The following CCSER1 variants were observed in gnomAD, a reference collection of about 807,000 sequenced individuals.
The protein encoded by CCSER1 is coiled-coil serine rich protein 1, also known as serine-rich coiled-coil domain-containing protein 1.
CCSER1 carries 41 observed loss-of-function variants against 82.0 expected under a neutral mutation model. The ratio of observed to expected loss-of-function variants is 0.50; its 90% confidence interval spans 0.39 to 0.65. CCSER1 has a LOEUF of 0.65. Ranked by LOEUF, CCSER1 falls within the 30% of genes least tolerant of loss-of-function variation. The pLI is 0.00. For missense variants in CCSER1, 1,119 were observed against 1,064.2 expected (o/e 1.05, Z -0.72); for synonymous variants, 414 against 383.9 (o/e 1.08, Z -0.92).
At chr4:90,684,805 C>T (rs765892050) in intron 6 of CCSER1, among the ~76,000 whole-genome samples, 64 of 151,706 alleles carry the variant, frequency 4.2e-4, no homozygotes, top group Admixed American at 3.7e-3. Context: ...TTCACAAGAT[C>T]GATGGTTATT....
chr4:90,856,601 G>A (rs1764489603), intron 8 of CCSER1, among the ~76,000 whole-genome samples: 1 of 152,034 alleles, frequency 6.6e-6, no homozygotes, highest in African/African-American at 2.4e-5. Context: ...CGACGTAAAA[G>A]AAGTATGGCA....
At chr4:90,168,078 T>C (rs1024432323) in intron 1 of CCSER1, among the ~76,000 whole-genome samples, 2 of 152,204 alleles carry the variant, frequency 1.3e-5, no homozygotes, top group Non-Finnish European at 2.9e-5. Flanking sequence ...TGAACTAGTT[T>C]ACAGTTCCAC....
intron 9 of CCSER1, among the ~76,000 whole-genome samples, chr4:91,050,205 C>T (rs112707369): frequency 5.3e-5 from 8 of 152,112 alleles, no homozygotes; most frequent in African/African-American, 1.4e-4. Context: ...CTGAGGTGGG[C>T]GGATCACCTG....
intron 4 of CCSER1, among the ~76,000 whole-genome samples, chr4:90,461,214 C>G (rs1004713305): frequency 7.2e-6 from 1 of 138,710 alleles, no homozygotes; most frequent in Non-Finnish European, 1.5e-5. Flanking sequence ...TACAGGCGCC[C>G]GCCACTACGC....
chr4:90,481,955 G>C (rs1209952508), intron 5 of CCSER1, among the ~76,000 whole-genome samples: 7 of 152,046 alleles, frequency 4.6e-5, no homozygotes, highest in Non-Finnish European at 1.0e-4. Context: ...GGTACCAGCT[G>C]CTCCTTGTAC....
chr4:90,785,482 A>G (rs902325780), intron 7 of CCSER1, among the ~76,000 whole-genome samples: 12 of 152,370 alleles, frequency 7.9e-5, no homozygotes, highest in Admixed American at 3.9e-4. Flanking sequence ...TCATATTTAC[A>G]TTGATAATCA....
At chr4:90,302,693 C>T (rs1240815081) in intron 1 of CCSER1, among the ~76,000 whole-genome samples, 2 of 152,062 alleles carry the variant, frequency 1.3e-5, no homozygotes, top group African/African-American at 2.4e-5. Flanking sequence ...GTCCCAGCTA[C>T]TTGGGAGGCT....
intron 6 of CCSER1, among the ~76,000 whole-genome samples, chr4:90,691,319 A>G (rs1735784797): frequency 6.6e-6 from 1 of 151,938 alleles, no homozygotes; most frequent in African/African-American, 2.4e-5. Context: ...AATAGTCTTG[A>G]TTATTTTATT....
intron 8 of CCSER1, among the ~76,000 whole-genome samples, chr4:90,889,082 A>C (rs898788184): frequency 3.5e-4 from 53 of 152,182 alleles, no homozygotes; most frequent in African/African-American, 1.2e-3. Flanking sequence ...ATCAAGATAT[A>C]CAAAAAAGTT....
At chr4:90,804,284 G>A (rs774160837) in intron 7 of CCSER1, among the ~76,000 whole-genome samples, 1 of 152,008 alleles carries the variant, frequency 6.6e-6, no homozygotes, top group South Asian at 2.1e-4. Flanking sequence ...TGAAGTCTTT[G>A]TCCATGCCTA....
At chr4:91,240,035 C>A (rs1739287746) in intron 10 of CCSER1, among the ~76,000 whole-genome samples, 1 of 48,922 alleles carries the variant, frequency 2.0e-5, no homozygotes, top group Non-Finnish European at 3.7e-5. Flanking sequence ...TAATGCAGTG[C>A]ACCTGTTTTA....
At chr4:90,811,887 A>G (rs1758349211) in intron 7 of CCSER1, among the ~76,000 whole-genome samples, 2 of 144,952 alleles carry the variant, frequency 1.4e-5, no homozygotes, top group Non-Finnish European at 3.0e-5. Flanking sequence ...CTTTAGAGTG[A>G]CAGAACTGAT....
chr4:90,152,925 T>C (rs2153353110), intron 1 of CCSER1, among the ~76,000 whole-genome samples: 1 of 151,762 alleles, frequency 6.6e-6, no homozygotes, highest in African/African-American at 2.4e-5. Flanking sequence ...AGGGTACATG[T>C]GCACAATGTG....
chr4:90,371,798 A>G (rs934805461), intron 3 of CCSER1, among the ~76,000 whole-genome samples: 1 of 152,214 alleles, frequency 6.6e-6, no homozygotes, highest in South Asian at 2.1e-4. Flanking sequence ...TAATAGTTTG[A>G]TGAGAGCCAT....
In CCSER1 at chr4:91,485,729, GA is replaced by G. The variant is rs547602445; in HGVS notation, c.2218-112840del. The stretch of plus-strand genomic sequence containing the variant: ...TTGGACACATTTTCTAGTACAGGCA[GA>G]AATTCTTGACTCTTAAAATGGCATT... On this transcript the variant is annotated intron_variant, in intron 10 of 10. Coordinates refer to ENST00000509176, the MANE Select transcript of CCSER1 (RefSeq NM_001145065.2). Among the ~76,000 whole-genome samples, 14 of 152,256 alleles carry G rather than the reference GA, an allele frequency of 9.2e-5. No individual in the cohort carries two copies. The South Asian group carries it at 2.9e-3, about 32-fold the overall frequency.
At chr4:91,481,712 A>C (rs2110045346) in intron 10 of CCSER1, among the ~76,000 whole-genome samples, 1 of 152,284 alleles carries the variant, frequency 6.6e-6, no homozygotes, top group East Asian at 1.9e-4. Context: ...CAAAACCCTA[A>C]ATGTGTAGGA....
At chr4:91,046,120 A>T (rs1742459961) in intron 9 of CCSER1, among the ~76,000 whole-genome samples, 1 of 152,112 alleles carries the variant, frequency 6.6e-6, no homozygotes, top group Non-Finnish European at 1.5e-5. Flanking sequence ...ATCTGGATGT[A>T]TATGTGCAGG....
chr4:90,146,551 C>T lies in CCSER1; in HGVS notation c.-42+18720C>T, dbSNP rs963289049. 3.0e-4 allele frequency among the ~76,000 whole-genome samples: 46 copies of T among 151,940 alleles called. 1 individual carries two copies. The highest frequency in any genetic ancestry group is 1.0e-3 in the African/African-American group (42 of 41,402). On this transcript the variant is annotated intron_variant, in intron 1 of 10. Coordinates refer to ENST00000509176, the MANE Select transcript of CCSER1 (RefSeq NM_001145065.2). ...AAGAGCAGATCACAATAAAGATACA[C>T]ATTAAATAATAAAATACGGCTGTGA...
At chr4:91,265,558 T>A (rs913013484) in intron 10 of CCSER1, among the ~76,000 whole-genome samples, 1 of 152,224 alleles carries the variant, frequency 6.6e-6, no homozygotes, top group Non-Finnish European at 1.5e-5. Context: ...AAATGCCAGT[T>A]GTATTCTGTA....
Sources: gnomAD v4.1 joint callset for allele counts (sites outside exome capture counted in the v4.1 genomes callset) on GRCh38, gnomAD v4.1.1 for gene constraint, MANE v1.5 for transcripts, NCBI Gene and HGNC (gene_info 2026-07-23, HGNC 2026-07-21) for gene names.